The following GSDMC variants were observed in gnomAD, a reference collection of about 807,000 sequenced individuals.
The protein encoded by GSDMC is gasdermin-C.
In GSDMC, 59 loss-of-function variants were observed where a neutral mutation model predicts 58.0. The ratio of observed to expected loss-of-function variants is 1.02; its 90% CI spans 0.82 to 1.26. The LOEUF (loss-of-function observed/expected upper bound fraction) is 1.26. Ranked by LOEUF, GSDMC falls within the 50% of genes most tolerant of loss-of-function variation. The probability of loss-of-function intolerance (pLI) is 0.00; values close to 1 mark genes in which losing one functional copy is unlikely to be tolerated. For synonymous variants in GSDMC, 241 were observed against 220.2 expected (o/e 1.09, Z -0.83); for missense variants, 659 against 598.5 (o/e 1.10, Z -1.06).
At chr8:129,715,180 C>T in the GSDMC span, among the ~76,000 whole-genome samples, 1 of 152,040 alleles carries the variant, frequency 6.6e-6, no homozygotes, top group Admixed American at 6.6e-5. Context: ...GATGTGAAAG[C>T]CTTATGATTT....
At chr8:129,723,419 CTTTTTTT>C in the GSDMC span, among the ~76,000 whole-genome samples, 11 of 133,384 alleles carry the variant, frequency 8.2e-5, 1 homozygote, top group African/African-American at 2.5e-4. Flanking sequence ...TTTTCTTCTC[CTTTTTTT>C]TTTTTTTTTT....
intron 6 of GSDMC, among the ~76,000 whole-genome samples, chr8:129,754,632 C>A (rs1213134836): frequency 6.6e-6 from 1 of 152,010 alleles, no homozygotes; most frequent in Non-Finnish European, 1.5e-5. Flanking sequence ...AGGGACAAAT[C>A]CTGGAAGAAA....
At chr8:129,769,899 T>C (rs1029026471) in intron 3 of GSDMC, among the ~76,000 whole-genome samples, 1 of 151,346 alleles carries the variant, frequency 6.6e-6, no homozygotes, top group Middle Eastern at 3.4e-3. Context: ...CAAAAGGGAG[T>C]TCTTCAAGTT....
At chr8:129,729,052 T>G in the GSDMC span, 1 of 638,728 alleles carries the variant, frequency 1.6e-6, no homozygotes, top group Non-Finnish European at 3.0e-6. Context: ...GAAATAACTT[T>G]GTGTCAAAAA....
downstream of GSDMC, among the ~76,000 whole-genome samples, chr8:129,744,634 C>T (rs971162840): frequency 3.9e-5 from 6 of 152,328 alleles, no homozygotes; most frequent in East Asian, 5.8e-4. Context: ...GGAACTTAGT[C>T]TTCCTCCAAC....
chr8:129,747,803 A>AT (rs1355150149), downstream of GSDMC, among the ~76,000 whole-genome samples: 1 of 152,102 alleles, frequency 6.6e-6, no homozygotes, highest in African/African-American at 2.4e-5. Flanking sequence ...TTGATTGGGG[A>AT]TTAAGGAGAG....
the GSDMC span, among the ~76,000 whole-genome samples, chr8:129,737,213 G>A: frequency 6.6e-6 from 1 of 152,242 alleles, no homozygotes; most frequent in South Asian, 2.1e-4. Flanking sequence ...TGGCCATACT[G>A]CCCAAGGTAA....
chr8:129,713,564 C>T, the GSDMC span, among the ~76,000 whole-genome samples: 1 of 152,144 alleles, frequency 6.6e-6, no homozygotes, highest in Non-Finnish European at 1.5e-5. Flanking sequence ...GAGAGCATAC[C>T]ACCCAAGGCC....
At chr8:129,722,197 C>T in the GSDMC span, among the ~76,000 whole-genome samples, 2 of 152,198 alleles carry the variant, frequency 1.3e-5, no homozygotes, top group South Asian at 4.1e-4. Context: ...TTCAATGACT[C>T]CTCACTAGAA....
chr8:129,751,818 C>G, intron 9 of GSDMC, 44 bp downstream of exon 9: 1 of 1,579,620 alleles, frequency 6.3e-7, no homozygotes, highest in Non-Finnish European at 8.7e-7. Flanking sequence ...CCCATGTGTG[C>G]AGGATGGGAT....
At chr8:129,744,960 A>G (rs963184965), downstream of GSDMC, among the ~76,000 whole-genome samples, 1 of 152,246 alleles carries the variant, frequency 6.6e-6, no homozygotes, top group Non-Finnish European at 1.5e-5. Context: ...AGAATAGATG[A>G]GACCTAGAGA....
chr8:129,771,449 A>C (rs2034046924), intron 3 of GSDMC, among the ~76,000 whole-genome samples: 2 of 152,248 alleles, frequency 1.3e-5, no homozygotes, highest in Non-Finnish European at 2.9e-5. Context: ...AAATTTAAGA[A>C]GACAGAAATT....
the GSDMC span, among the ~76,000 whole-genome samples, chr8:129,722,733 G>A: frequency 2.6e-5 from 4 of 152,142 alleles, no homozygotes; most frequent in African/African-American, 4.8e-5. Context: ...GCCAAACAAT[G>A]TCTTTCTCAC....
chr8:129,717,093 C>G, the GSDMC span, among the ~76,000 whole-genome samples: 1 of 152,036 alleles, frequency 6.6e-6, no homozygotes, highest in African/African-American at 2.4e-5. Context: ...GTTGTTGTGT[C>G]TCTGCCAGGT....
intron 4 of GSDMC, among the ~76,000 whole-genome samples, chr8:129,765,085 C>T (rs1428399561): frequency 6.6e-6 from 1 of 152,056 alleles, no homozygotes; most frequent in African/African-American, 2.4e-5. Flanking sequence ...AGCCCTTGAC[C>T]CATACTTAAT....
chr8:129,730,618 A>T, the GSDMC span, among the ~76,000 whole-genome samples: 1 of 152,232 alleles, frequency 6.6e-6, no homozygotes, highest in Non-Finnish European at 1.5e-5. Context: ...ATGCATTAGT[A>T]AAAATCACAC....
intron 1 of GSDMC, among the ~76,000 whole-genome samples, chr8:129,784,979 G>A (rs774557768): frequency 1.2e-3 from 187 of 152,324 alleles, no homozygotes; most frequent in Non-Finnish European, 1.1e-3. Context: ...TTGGGAGGCT[G>A]AGGCGGGTGG....
At chr8:129,761,590 T>C (rs1199410228) in intron 5 of GSDMC, among the ~76,000 whole-genome samples, 1 of 152,208 alleles carries the variant, frequency 6.6e-6, no homozygotes, top group Admixed American at 6.5e-5. Flanking sequence ...TTGATGATGA[T>C]GATATTTTGA....
In GSDMC at chr8:129,752,090, G is replaced by C; in HGVS notation, c.886+16C>G. The C allele has an allele frequency of 6.2e-7, 1 of 1,607,060 alleles. No individual in the cohort carries two copies. The highest frequency in any genetic ancestry group is 8.5e-7 in the Non-Finnish European group (1 of 1,173,522). On this transcript the variant is annotated intron_variant, in intron 8 of 13. Coordinates refer to ENST00000276708, the MANE Select transcript of GSDMC (RefSeq NM_031415.3). ...GTGCAGATTGTCCTGGAAGGGGAGG[G>C]CCAGATTCCACTCACTTGGCAAATG...
Sources: gnomAD v4.1 joint callset for allele counts (sites outside exome capture counted in the v4.1 genomes callset) on GRCh38, gnomAD v4.1.1 for gene constraint, MANE v1.5 for transcripts, NCBI Gene and HGNC (gene_info 2026-07-23, HGNC 2026-07-21) for gene names.